Variants in SORCS3 observed in about 807,000 individuals in gnomAD.
SORCS3 encodes the protein sortilin related VPS10 domain containing receptor 3, also known as VPS10 domain-containing receptor SorCS3.
Under a neutral mutation model 146.3 loss-of-function variants are expected in SORCS3, and 57 were observed. The observed-to-expected ratio is 0.39, with a 90% confidence interval of 0.31 to 0.49. The LOEUF (loss-of-function observed/expected upper bound fraction) is 0.49. SORCS3 is among the 20% of genes least tolerant of loss of function. The probability of loss-of-function intolerance (pLI) is 0.92; values close to 1 mark genes in which losing one functional copy is unlikely to be tolerated. For missense variants in SORCS3, 1,341 were observed against 1,575.5 expected, an observed-to-expected ratio of 0.85 and a Z score of 2.52; for synonymous variants, 653 against 618.5, an observed-to-expected ratio of 1.06 and a Z score of -0.83.
intron 1 of SORCS3, among the ~76,000 whole-genome samples, chr10:104,795,254 T>A: frequency 6.6e-6 from 1 of 152,182 alleles, no homozygotes; most frequent in East Asian, 1.9e-4. Context: ...AGAATCACCA[T>A]GAATAAGAGC....
intron 1 of SORCS3, among the ~76,000 whole-genome samples, chr10:104,750,662 C>G (rs2016972930): frequency 6.6e-6 from 1 of 152,134 alleles, no homozygotes; most frequent in Admixed American, 6.5e-5. Context: ...TATTTATAGA[C>G]TAGAGATCTG....
intron 1 of SORCS3, among the ~76,000 whole-genome samples, chr10:104,785,070 AG>A (rs1340697146): frequency 6.7e-6 from 1 of 149,986 alleles, no homozygotes; most frequent in African/African-American, 2.5e-5. Flanking sequence ...CTGGCCGGGC[AG>A]GGGGGCTGAC....
At chr10:104,837,386 C>T (rs1213996181) in intron 1 of SORCS3, among the ~76,000 whole-genome samples, 5 of 152,210 alleles carry the variant, frequency 3.3e-5, no homozygotes, top group Non-Finnish European at 1.5e-5. Context: ...TATACACACA[C>T]ACATATAGAG....
At chr10:104,754,429 T>G (rs936090114) in intron 1 of SORCS3, among the ~76,000 whole-genome samples, 12 of 152,192 alleles carry the variant, frequency 7.9e-5, no homozygotes, top group African/African-American at 2.9e-4. Context: ...GCATCATTGC[T>G]TGCCCTTATA....
intron 3 of SORCS3, among the ~76,000 whole-genome samples, chr10:104,939,455 A>G (rs1030907648): frequency 6.6e-5 from 10 of 152,184 alleles, no homozygotes; most frequent in African/African-American, 2.2e-4. Context: ...AAAATGTCCG[A>G]TCAAAGCAGG....
intron 9 of SORCS3, among the ~76,000 whole-genome samples, chr10:105,150,876 T>C (rs2056163432): frequency 6.6e-6 from 1 of 152,192 alleles, no homozygotes; most frequent in Non-Finnish European, 1.5e-5. Flanking sequence ...TCACAGAAAC[T>C]GTGATTATGT....
At chr10:105,086,675 T>G (rs1379241154) in intron 5 of SORCS3, among the ~76,000 whole-genome samples, 2 of 152,212 alleles carry the variant, frequency 1.3e-5, no homozygotes, top group Non-Finnish European at 2.9e-5. Flanking sequence ...GTCAGTATGG[T>G]GCCAATTCTC....
At chr10:105,071,366 G>C (rs903930185) in intron 5 of SORCS3, among the ~76,000 whole-genome samples, 1 of 152,206 alleles carries the variant, frequency 6.6e-6, no homozygotes, top group Non-Finnish European at 1.5e-5. Flanking sequence ...CCTGGTATTG[G>C]TCCATCTTGA....
At chr10:104,923,483 A>C (rs779367186) in intron 3 of SORCS3, among the ~76,000 whole-genome samples, 10 of 152,212 alleles carry the variant, frequency 6.6e-5, no homozygotes, top group Non-Finnish European at 1.3e-4. Flanking sequence ...TGCTGGTAGA[A>C]GTCAGAGCAG....
At chr10:104,882,553 A>C (rs942582240) in intron 2 of SORCS3, among the ~76,000 whole-genome samples, 1 of 152,178 alleles carries the variant, frequency 6.6e-6, no homozygotes, top group African/African-American at 2.4e-5. Context: ...AATTCTACAG[A>C]ATCATTTTAC....
chr10:105,117,959 T>C (rs1053690619), intron 7 of SORCS3, among the ~76,000 whole-genome samples: 1 of 152,132 alleles, frequency 6.6e-6, no homozygotes, highest in African/African-American at 2.4e-5. Flanking sequence ...TCTCCATCTT[T>C]CCAATATCAT....
At chr10:104,906,009 G>T (rs573701666) in intron 2 of SORCS3, among the ~76,000 whole-genome samples, 1 of 152,140 alleles carries the variant, frequency 6.6e-6, no homozygotes, top group Non-Finnish European at 1.5e-5. Flanking sequence ...TGGTCTGAAG[G>T]CTCTCTATTT....
At chr10:104,969,349 G>GCA (rs1564724759) in intron 3 of SORCS3, among the ~76,000 whole-genome samples, 7 of 151,358 alleles carry the variant, frequency 4.6e-5, no homozygotes, top group African/African-American at 1.5e-4. Flanking sequence ...GTGCGCGCGC[G>GCA]CGTACAGAGC....
At chr10:104,823,251 C>T (rs553311480) in intron 1 of SORCS3, among the ~76,000 whole-genome samples, 6 of 152,040 alleles carry the variant, frequency 3.9e-5, no homozygotes, top group Non-Finnish European at 7.4e-5. Context: ...TGGAAACCAC[C>T]GCAACCAACC....
chr10:104,888,102 C>A lies in SORCS3; in HGVS notation c.696-27731C>A, dbSNP rs543792605. 3.9e-4 allele frequency among the ~76,000 whole-genome samples: 60 copies of A among 152,116 alleles called. 1 individual carries two copies. The highest frequency in any genetic ancestry group is 1.2e-3 in the Admixed American group (18 of 15,268). On this transcript the variant is annotated intron_variant, in intron 2 of 26. Transcript: ENST00000369701. The stretch of plus-strand genomic sequence containing the variant: ...CTTGGACCTCTTTTCCTTTTGCTTG[C>A]AGCATTGAGACATCATAGATTTCTT...
At chr10:105,165,186 T>G (rs531863367) in intron 12 of SORCS3, among the ~76,000 whole-genome samples, 1 of 152,230 alleles carries the variant, frequency 6.6e-6, no homozygotes, top group East Asian at 1.9e-4. Flanking sequence ...TCCCTTTCCT[T>G]AAAAAGCTCA....
intron 5 of SORCS3, among the ~76,000 whole-genome samples, chr10:105,058,913 A>T (rs2055464212): frequency 6.6e-6 from 1 of 152,230 alleles, no homozygotes; most frequent in Non-Finnish European, 1.5e-5. Context: ...ATCCTCAGTC[A>T]CTATGCATCA....
At chr10:104,970,742 G>C (rs1027231911) in intron 3 of SORCS3, among the ~76,000 whole-genome samples, 2 of 134,576 alleles carry the variant, frequency 1.5e-5, no homozygotes, top group African/African-American at 5.6e-5. Flanking sequence ...AAGTAAGCTT[G>C]TCTTAGAAGC....
At chr10:104,723,770 C>G (rs1227664975) in intron 1 of SORCS3, among the ~76,000 whole-genome samples, 1 of 152,168 alleles carries the variant, frequency 6.6e-6, no homozygotes. Context: ...GTTTTGAAGT[C>G]TGTTTTATCA....
Sources: gnomAD v4.1 joint callset for allele counts (sites outside exome capture counted in the v4.1 genomes callset) on GRCh38, gnomAD v4.1.1 for gene constraint, MANE v1.5 for transcripts, NCBI Gene and HGNC (gene_info 2026-07-23, HGNC 2026-07-21) for gene names.